Variants in CA10 observed in about 807,000 individuals in gnomAD.
The protein encoded by CA10 is carbonic anhydrase 10 (inactive).
Under a neutral mutation model 44.2 loss-of-function variants are expected in CA10, and 14 were observed. That is an observed-to-expected ratio of 0.32 (90% CI 0.21 to 0.50). CA10 has a LOEUF of 0.50. Among genes scored for constraint, CA10 ranks in the 20% least tolerant of loss-of-function variants. The probability of loss-of-function intolerance (pLI) is 0.99; values close to 1 mark genes in which losing one functional copy is unlikely to be tolerated. For synonymous variants in CA10, 159 were observed against 141.6 expected (o/e 1.12, Z -0.87); for missense variants, 350 against 409.7 (o/e 0.85, Z 1.26).
rs534049383 is a variant in CA10, at chr17:51,979,938, T to C, written c.137-48806A>G. On this transcript the variant is annotated intron_variant, in intron 2 of 8. Coordinates refer to ENST00000451037, the MANE Select transcript of CA10 (RefSeq NM_020178.5). ...AATCTGTCATTGATGGGCATTTAGA[T>C]TGATTCCAAGTCTTTGCTTCTTTGC... 1.6e-4 allele frequency among the ~76,000 whole-genome samples: 25 copies of C among 152,308 alleles called. No homozygotes were observed. The South Asian group carries it at 3.1e-3, about 19-fold the overall frequency.
At chr17:51,974,255 G>C (rs2144075096) in intron 2 of CA10, among the ~76,000 whole-genome samples, 1 of 151,762 alleles carries the variant, frequency 6.6e-6, no homozygotes, top group Non-Finnish European at 1.5e-5. Flanking sequence ...ATGGTGGTGG[G>C]AGCCTGTAAT....
At chr17:51,776,757 G>T (rs1038585604) in intron 3 of CA10, among the ~76,000 whole-genome samples, 4 of 152,184 alleles carry the variant, frequency 2.6e-5, no homozygotes, top group Admixed American at 2.6e-4. Flanking sequence ...TAAAATGTCA[G>T]TTGTTTGCAC....
intron 4 of CA10, among the ~76,000 whole-genome samples, chr17:51,663,234 A>C (rs1914073994): frequency 6.7e-6 from 1 of 149,982 alleles, no homozygotes; most frequent in Non-Finnish European, 1.5e-5. Context: ...GCGTTTCGAG[A>C]CCACTTTTTC....
In CA10 at chr17:51,793,490, TATTAC is replaced by T. The variant is rs1408071372; in HGVS notation, c.280-45677_280-45673del. ...GACAATCTTTAATTTGCTAAAAACTTATTACATTATCACCCAAGAGGCTGGATACC... is the reference window on the plus strand; with the variant it reads ...GACAATCTTTAATTTGCTAAAAACTTATTATCACCCAAGAGGCTGGATACC... On this transcript the variant is annotated intron_variant, in intron 3 of 8. Transcript: ENST00000451037. Among the ~76,000 whole-genome samples, 16 of 152,280 alleles carry T rather than the reference TATTAC, an allele frequency of 1.1e-4. No homozygotes were observed. In the East Asian group the frequency reaches 1.9e-3, roughly 18 times the overall value.
At chr17:51,703,645 G>C (rs977147538) in intron 4 of CA10, among the ~76,000 whole-genome samples, 5 of 152,116 alleles carry the variant, frequency 3.3e-5, no homozygotes, top group African/African-American at 4.8e-5. Context: ...TTCCATTCAG[G>C]GTCCTCCCTT....
chr17:51,977,621 A>G (rs908897627), intron 2 of CA10, among the ~76,000 whole-genome samples: 1 of 152,140 alleles, frequency 6.6e-6, no homozygotes, highest in Non-Finnish European at 1.5e-5. Context: ...TTCTTCTGAG[A>G]TCTAGAAAAA....
At chr17:52,118,296 G>A (rs955538543) in intron 1 of CA10, among the ~76,000 whole-genome samples, 14 of 152,096 alleles carry the variant, frequency 9.2e-5, no homozygotes, top group African/African-American at 3.4e-4. Context: ...AGACTGCCAA[G>A]GAAAAGAAAG....
intron 6 of CA10, among the ~76,000 whole-genome samples, chr17:51,641,818 C>T (rs769040575): frequency 2.6e-5 from 4 of 151,970 alleles, no homozygotes; most frequent in Admixed American, 2.0e-4. Context: ...TAACAGGCAG[C>T]CTCTGTTAAA....
chr17:51,728,483 C>T (rs1916603414), intron 4 of CA10, among the ~76,000 whole-genome samples: 1 of 152,184 alleles, frequency 6.6e-6, no homozygotes, highest in African/African-American at 2.4e-5. Context: ...TCTTTCCTTG[C>T]TTTTCACGAT....
chr17:52,156,086 T>C (rs1339415153), intron 1 of CA10, among the ~76,000 whole-genome samples: 1 of 152,116 alleles, frequency 6.6e-6, no homozygotes, highest in African/African-American at 2.4e-5. Flanking sequence ...CCTTTATAAA[T>C]CTTAAAGGTA....
Position 51,748,225 on chromosome 17 carries a change from T to C in CA10, c.280-407A>G, listed in dbSNP as rs535177825. On this transcript the variant is annotated intron_variant, in intron 3 of 8. Coordinates refer to ENST00000451037, the MANE Select transcript of CA10 (RefSeq NM_020178.5). ...GGGGTGAGATATTAAGAAGGCCAAA[T>C]GAGACAGGGAAGAGAAAATGAGTGA... Among the ~76,000 whole-genome samples the C allele has an allele frequency of 1.4e-4, 22 of 152,232 alleles. No homozygotes were observed. In the Middle Eastern group the frequency reaches 0.01, roughly 71 times the overall value.
chr17:51,892,701 A>G (rs1980910185), intron 3 of CA10, among the ~76,000 whole-genome samples: 1 of 152,164 alleles, frequency 6.6e-6, no homozygotes, highest in Non-Finnish European at 1.5e-5. Flanking sequence ...CCAATCAGAC[A>G]TAGGTGGGAT....
At chr17:51,878,338 G>T (rs1980182682) in intron 3 of CA10, among the ~76,000 whole-genome samples, 1 of 151,896 alleles carries the variant, frequency 6.6e-6, no homozygotes, top group Non-Finnish European at 1.5e-5. Flanking sequence ...AAGTTCAGAA[G>T]CCCCTGCATT....
chr17:51,666,901 T>C (rs1344909894), intron 4 of CA10, among the ~76,000 whole-genome samples: 1 of 152,232 alleles, frequency 6.6e-6, no homozygotes, highest in African/African-American at 2.4e-5. Flanking sequence ...AAACAACTTT[T>C]GGCAAGCACA....
At chr17:51,917,699 C>G (rs963664986) in intron 3 of CA10, among the ~76,000 whole-genome samples, 1 of 152,182 alleles carries the variant, frequency 6.6e-6, no homozygotes, top group African/African-American at 2.4e-5. Flanking sequence ...AGTGAGAACT[C>G]ACTCACGAGT....
chr17:52,069,586 A>T (rs1425286656), intron 2 of CA10, among the ~76,000 whole-genome samples: 1 of 152,218 alleles, frequency 6.6e-6, no homozygotes, highest in Non-Finnish European at 1.5e-5. Flanking sequence ...TTTATGGCTT[A>T]TCTTCCTCTT....
At chr17:51,702,898 A>G (rs1915646894) in intron 4 of CA10, among the ~76,000 whole-genome samples, 2 of 152,038 alleles carry the variant, frequency 1.3e-5, no homozygotes, top group South Asian at 2.1e-4. Context: ...GGTTCTTTCT[A>G]TCTCTGGGTT....
chr17:51,691,760 A>C (rs1915203222), intron 4 of CA10, among the ~76,000 whole-genome samples: 1 of 152,196 alleles, frequency 6.6e-6, no homozygotes, highest in South Asian at 2.1e-4. Context: ...GTGTGAGTTA[A>C]GGGTCTAATT....
At chr17:51,989,092 A>C (rs910289927) in intron 2 of CA10, among the ~76,000 whole-genome samples, 1 of 151,940 alleles carries the variant, frequency 6.6e-6, no homozygotes, top group Non-Finnish European at 1.5e-5. Flanking sequence ...CTTCACCCAG[A>C]AAAAAATAAA....
Sources: gnomAD v4.1 joint callset for allele counts (sites outside exome capture counted in the v4.1 genomes callset) on GRCh38, gnomAD v4.1.1 for gene constraint, MANE v1.5 for transcripts, NCBI Gene and HGNC (gene_info 2026-07-23, HGNC 2026-07-21) for gene names.